HS3ST5: variants seen among roughly 807,000 people sequenced by gnomAD.
HS3ST5 encodes the protein heparan sulfate glucosamine 3-O-sulfotransferase 5.
Under a neutral mutation model 25.4 loss-of-function variants are expected in HS3ST5, and 10 were observed. The observed-to-expected ratio is 0.39, with a 90% CI of 0.24 to 0.67. The LOEUF (loss-of-function observed/expected upper bound fraction) is 0.67. Ranked by LOEUF, HS3ST5 falls within the 30% of genes least tolerant of loss-of-function variation. The probability of loss-of-function intolerance (pLI) is 0.44; values close to 1 mark genes in which losing one functional copy is unlikely to be tolerated. For synonymous variants in HS3ST5, 170 were observed against 162.4 expected (o/e 1.05, Z -0.36); for missense variants, 324 against 420.7 (o/e 0.77, Z 2.01).
chr6:114,270,824 G>A (rs578036380), intron 1 of HS3ST5, among the ~76,000 whole-genome samples: 3 of 152,062 alleles, frequency 2.0e-5, no homozygotes, highest in Non-Finnish European at 4.4e-5. Flanking sequence ...AAATAAAAAG[G>A]GTTGGGATTA....
chr6:114,275,046 G>C (rs1274549041), intron 1 of HS3ST5, among the ~76,000 whole-genome samples: 1 of 151,854 alleles, frequency 6.6e-6, no homozygotes, highest in African/African-American at 2.4e-5. Flanking sequence ...CACGGTGACA[G>C]AGCTGGGATT....
At position 114,058,047 on chromosome 6, in the gene HS3ST5, T is replaced by C. The variant is rs1378629175; in HGVS notation, c.251A>G (p.His84Arg). 2 of 1,614,196 alleles carry C rather than the reference T, an allele frequency of 1.2e-6. No homozygotes were observed. Among genetic ancestry groups the C allele is most frequent in the East Asian group, 2.2e-5 (1 of 44,880 alleles). Reference protein sequence around the residue: ...GNASKEQVRLHDLVQQLPKAI... With the variant: ...GNASKEQVRLRDLVQQLPKAI... ...CTTGGGGAGCTGCTGGACCAGGTCA[T>C]GGAGGCGAACCTGCTCCTTGGAAGC... Residue 84 changes from histidine (H) to arginine (R), a missense_variant, in exon 5 of 5, where the codon CAT (histidine) becomes CGT (arginine). Coordinates refer to ENST00000312719, the MANE Select transcript of HS3ST5 (RefSeq NM_153612.4).
chr6:114,332,179 G>A lies in HS3ST5; in HGVS notation c.-339+10016C>T, dbSNP rs78618842. On this transcript the variant is annotated intron_variant, in intron 1 of 4. Transcript: ENST00000312719. ...AAAAATTATTATAATCATATTGACA[G>A]ATGGATGCTTACTTCTAGGCAGTTA... Among the ~76,000 whole-genome samples the A allele has an allele frequency of 8.8e-3, 1,332 of 152,192 alleles. 20 individuals carry two copies. Among genetic ancestry groups the A allele is most frequent in the African/African-American group, 0.03 (1,255 of 41,510 alleles).
intron 1 of HS3ST5, among the ~76,000 whole-genome samples, chr6:114,307,082 GA>G (rs1775327889): frequency 6.6e-6 from 1 of 152,156 alleles, no homozygotes; most frequent in African/African-American, 2.4e-5. Flanking sequence ...CATAATTAGA[GA>G]AAATGTGGAT....
chr6:114,135,772 C>T (rs1271108391), intron 3 of HS3ST5, among the ~76,000 whole-genome samples: 2 of 152,222 alleles, frequency 1.3e-5, no homozygotes, highest in Non-Finnish European at 2.9e-5. Flanking sequence ...TCTTTCAACT[C>T]TGCCTGGAAG....
chr6:114,319,043 A>C (rs946946807), intron 1 of HS3ST5, among the ~76,000 whole-genome samples: 3 of 152,260 alleles, frequency 2.0e-5, no homozygotes, highest in African/African-American at 7.2e-5. Context: ...CAAACAGTGG[A>C]TATATAAGAC....
Position 114,330,915 on chromosome 6 carries a change from A to G in HS3ST5, c.-339+11280T>C, listed in dbSNP as rs117662744. ...GGCACAGGAAGGCAGCAAGCACCAC[A>G]TTAACCATATTTAGGACTTCATAAC... On this transcript the variant is annotated intron_variant, in intron 1 of 4. Transcript: ENST00000312719. 8.2e-3 allele frequency among the ~76,000 whole-genome samples: 1,246 copies of G among 152,332 alleles called. 8 individuals are homozygous for G. The highest frequency in any genetic ancestry group is 0.013 in the Non-Finnish European group (908 of 68,016).
At chr6:114,138,147 T>C (rs777978660) in intron 3 of HS3ST5, among the ~76,000 whole-genome samples, 1 of 152,162 alleles carries the variant, frequency 6.6e-6, no homozygotes, top group Non-Finnish European at 1.5e-5. Flanking sequence ...CCTTAGTCCA[T>C]TATATGTCCA....
intron 3 of HS3ST5, among the ~76,000 whole-genome samples, chr6:114,113,229 C>T (rs1274420630): frequency 6.6e-6 from 1 of 152,166 alleles, no homozygotes; most frequent in Non-Finnish European, 1.5e-5. Flanking sequence ...TCTTCACTCT[C>T]CACTGTTCTA....
At chr6:114,278,162 T>C (rs1057014932) in intron 1 of HS3ST5, among the ~76,000 whole-genome samples, 3 of 152,004 alleles carry the variant, frequency 2.0e-5, no homozygotes, top group Admixed American at 2.0e-4. Context: ...CAGGTTTACA[T>C]GTGCTCTTCA....
chr6:114,100,670 T>G (rs1775680632), intron 3 of HS3ST5, among the ~76,000 whole-genome samples: 1 of 152,184 alleles, frequency 6.6e-6, no homozygotes, highest in Admixed American at 6.5e-5. Context: ...TCACACGACA[T>G]TTTCTTCATC....
intron 2 of HS3ST5, among the ~76,000 whole-genome samples, chr6:114,183,447 C>T (rs1780059948): frequency 6.6e-6 from 1 of 152,316 alleles, no homozygotes; most frequent in East Asian, 1.9e-4. Context: ...TATTAAACCT[C>T]TTTCTTTTGT....
chr6:114,114,664 T>C (rs1776429430), intron 3 of HS3ST5, among the ~76,000 whole-genome samples: 1 of 152,118 alleles, frequency 6.6e-6, no homozygotes, highest in Admixed American at 6.6e-5. Context: ...ATTGGCACAA[T>C]ATTTATGTTT....
chr6:114,085,953 C>G (rs1774789708), intron 3 of HS3ST5, among the ~76,000 whole-genome samples: 3 of 109,934 alleles, frequency 2.7e-5, no homozygotes, highest in African/African-American at 1.0e-4. Context: ...CCCATTTAAT[C>G]AGCCACTTAG....
chr6:114,145,330 G>A (rs914886308), intron 3 of HS3ST5, among the ~76,000 whole-genome samples: 1 of 152,162 alleles, frequency 6.6e-6, no homozygotes, highest in African/African-American at 2.4e-5. Context: ...TTTCTTTATT[G>A]TGAAAGATTC....
At chr6:114,166,663 G>A (rs1042866000) in intron 3 of HS3ST5, among the ~76,000 whole-genome samples, 2 of 152,140 alleles carry the variant, frequency 1.3e-5, no homozygotes, top group African/African-American at 4.8e-5. Context: ...ACCTAGGAAT[G>A]AGAGGTTAAA....
At chr6:114,282,642 T>G (rs1236740289) in intron 1 of HS3ST5, among the ~76,000 whole-genome samples, 1 of 152,018 alleles carries the variant, frequency 6.6e-6, no homozygotes, top group African/African-American at 2.4e-5. Flanking sequence ...AATGCTCTGT[T>G]TGGCCCACTG....
chr6:114,081,588 G>A (rs190894622), intron 3 of HS3ST5, among the ~76,000 whole-genome samples: 94 of 152,296 alleles, frequency 6.2e-4, no homozygotes, highest in African/African-American at 2.2e-3. Context: ...AAGGATTATA[G>A]TAGATTCATC....
rs565155948 is a variant in HS3ST5, at chr6:114,082,403, G to T, written c.-32-19526C>A. Among the ~76,000 whole-genome samples, 3 of 152,246 alleles carry T rather than the reference G, an allele frequency of 2.0e-5. No individual in the cohort carries two copies. The South Asian group carries it at 6.2e-4, about 32-fold the overall frequency. On this transcript the variant is annotated intron_variant, in intron 3 of 4. Coordinates refer to ENST00000312719, the MANE Select transcript of HS3ST5 (RefSeq NM_153612.4). ...TTAACTGGATTTTAAGTCATTTAGTGTTCAGTAAAGACCTCTTAGGTTAGT... is the reference window on the plus strand; with the variant it reads ...TTAACTGGATTTTAAGTCATTTAGTTTTCAGTAAAGACCTCTTAGGTTAGT...
Sources: allele counts gnomAD v4.1 joint callset (sites outside exome capture counted in the v4.1 genomes callset), GRCh38; gene constraint gnomAD v4.1.1; transcripts MANE v1.5; gene names NCBI Gene and HGNC (gene_info 2026-07-23, HGNC 2026-07-21).